Variants in GALNT10 observed in about 807,000 individuals in gnomAD.
The protein encoded by GALNT10 is GalNAc transferase 10.
GALNT10 carries 41 observed loss-of-function variants against 75.0 expected under a neutral mutation model. That is an observed-to-expected ratio of 0.55 (90% CI 0.43 to 0.71). The LOEUF is 0.71. Among genes scored for constraint, GALNT10 ranks in the 30% least tolerant of loss-of-function variants. The probability of loss-of-function intolerance (pLI) is 0.00; values close to 1 mark genes in which losing one functional copy is unlikely to be tolerated. For missense variants in GALNT10, 727 were observed against 818.5 expected (o/e 0.89, Z 1.36); for synonymous variants, 302 against 313.0 (o/e 0.96, Z 0.37).
At chr5:154,335,439 G>T (rs1754929935) in intron 4 of GALNT10, among the ~76,000 whole-genome samples, 1 of 152,130 alleles carries the variant, frequency 6.6e-6, no homozygotes, top group Admixed American at 6.6e-5. Context: ...GAAAATTCCA[G>T]CGAAATTTAA....
Position 154,409,754 on chromosome 5 carries a change from TG to T in GALNT10, c.1384del (p.Glu462ArgfsTer22). On this transcript the variant is annotated frameshift_variant, in exon 9 of 12. Coordinates refer to ENST00000297107, the MANE Select transcript of GALNT10 (RefSeq NM_198321.4). LOFTEE classifies it high-confidence loss of function. The surrounding 1 kb of genome is among the most constrained non-coding windows in gnomAD (Gnocchi z 4.5). ...ACCCGTGGAGCCCCCGGCTGCAGCT[TG>T]GGGGGAGGTGAGTCTGGAGGGCAGG... ...YPPVEPPAAA[W>X]GEIRNVGTGL... 3 of 1,609,228 alleles carry T rather than the reference TG, an allele frequency of 1.9e-6. No individual in the cohort carries two copies. The highest frequency in any genetic ancestry group is 2.6e-6 in the Non-Finnish European group (3 of 1,175,750).
At chr5:154,380,683 C>G in intron 6 of GALNT10, 52 bp downstream of exon 6, 1 of 1,237,394 alleles carries the variant, frequency 8.1e-7, no homozygotes, top group African/African-American at 1.5e-5. Flanking sequence ...TGACCACTCC[C>G]AACACGCACA....
chr5:154,380,638 A>G lies in GALNT10; in HGVS notation c.938+7A>G, dbSNP rs778085616. The stretch of plus-strand genomic sequence containing the variant: ...ACCCCAGCGACCCATTTGAGTAAGT[A>G]TGAACAACCCTGGCTGGTCCCAGTG... On this transcript the variant is annotated splice_region_variant and intron_variant, in intron 6 of 11. Transcript: ENST00000297107. 11 of 1,605,044 alleles carry G rather than the reference A, an allele frequency of 6.9e-6. No individual in the cohort carries two copies. The highest frequency in any genetic ancestry group is 9.4e-6 in the Non-Finnish European group (11 of 1,172,970).
chr5:154,254,130 A>C (rs765566247), intron 1 of GALNT10, among the ~76,000 whole-genome samples: 1 of 152,064 alleles, frequency 6.6e-6, no homozygotes, highest in Non-Finnish European at 1.5e-5. Context: ...ATTTCCTCCC[A>C]CACAGGTGCT....
chr5:154,302,113 G>A (rs1432030826), intron 3 of GALNT10, among the ~76,000 whole-genome samples: 2 of 152,226 alleles, frequency 1.3e-5, no homozygotes, highest in African/African-American at 4.8e-5. Flanking sequence ...GAGTAAATTA[G>A]AGCAGTCGAG....
intron 1 of GALNT10, among the ~76,000 whole-genome samples, chr5:154,215,677 T>C (rs1025321034): frequency 1.3e-5 from 2 of 152,196 alleles, no homozygotes; most frequent in Non-Finnish European, 2.9e-5. Flanking sequence ...AATACTGTCA[T>C]GGTTAAAAAT....
chr5:154,317,466 G>A (rs974214523), intron 3 of GALNT10, among the ~76,000 whole-genome samples: 2 of 152,178 alleles, frequency 1.3e-5, no homozygotes, highest in Non-Finnish European at 2.9e-5. Flanking sequence ...ATTAGGAGCT[G>A]TTTGGTCACA....
chr5:154,200,825 A>C (rs1476308388), intron 1 of GALNT10, among the ~76,000 whole-genome samples: 1 of 152,218 alleles, frequency 6.6e-6, no homozygotes, highest in African/African-American at 2.4e-5. Context: ...CCTGTGGGCC[A>C]GATGCAGCCC....
chr5:154,417,444 G>C lies in GALNT10; in HGVS notation c.*472G>C, dbSNP rs1347021106. 6.4e-6 allele frequency: 1 copy of C among 157,470 alleles called. No homozygotes were observed. The highest frequency in any genetic ancestry group is 1.4e-5 in the Non-Finnish European group (1 of 71,142). 9.8% of individuals were successfully genotyped at this position (157,470 alleles called of 1,614,324 possible). A position where few individuals can be genotyped will look rare whatever the true frequency, so the allele number is the denominator to read the frequency against. The stretch of plus-strand genomic sequence containing the variant: ...GATGCCACTCATCTGCAGCAGAAGA[G>C]AAAGAAGTCCTCTTGGGGCTTTTTA... On this transcript the variant is annotated 3_prime_UTR_variant, in exon 12 of 12. Transcript: ENST00000297107.
intron 5 of GALNT10, among the ~76,000 whole-genome samples, 175 bp from the exon 6 acceptor site, chr5:154,380,273 G>A (rs1755713206): frequency 6.6e-6 from 1 of 152,156 alleles, no homozygotes; most frequent in African/African-American, 2.4e-5. Flanking sequence ...TAAAAGGACT[G>A]AGATGAGAGC....
At chr5:154,205,014 C>T (rs920502204) in intron 1 of GALNT10, among the ~76,000 whole-genome samples, 4 of 152,342 alleles carry the variant, frequency 2.6e-5, no homozygotes, top group African/African-American at 4.8e-5. Flanking sequence ...AGATACCCTA[C>T]AGATAGGACT....
chr5:154,198,815 A>G (rs920048888), intron 1 of GALNT10, among the ~76,000 whole-genome samples: 3 of 152,120 alleles, frequency 2.0e-5, no homozygotes, highest in Non-Finnish European at 4.4e-5. Context: ...TCATCTGCCT[A>G]CTTAGATCAG....
chr5:154,348,543 C>A (rs182686650), intron 4 of GALNT10, among the ~76,000 whole-genome samples: 1 of 152,078 alleles, frequency 6.6e-6, no homozygotes, highest in Non-Finnish European at 1.5e-5. Flanking sequence ...CCATAAATAC[C>A]TCATCAATTC....
chr5:154,282,416 A>G (rs991964230), intron 1 of GALNT10, among the ~76,000 whole-genome samples: 1 of 152,220 alleles, frequency 6.6e-6, no homozygotes, highest in African/African-American at 2.4e-5. Context: ...AGCCACATCT[A>G]GCTACAAGGA....
At chr5:154,336,351 A>G (rs954586307) in intron 4 of GALNT10, among the ~76,000 whole-genome samples, 5 of 152,238 alleles carry the variant, frequency 3.3e-5, no homozygotes, top group African/African-American at 1.2e-4. Context: ...GTAAATGCCA[A>G]GGAGTGTGAT....
chr5:154,295,415 G>T (rs1410146071), intron 2 of GALNT10, among the ~76,000 whole-genome samples: 1 of 145,844 alleles, frequency 6.9e-6, no homozygotes, highest in African/African-American at 2.6e-5. Context: ...GCTAAGAGGG[G>T]TGGTAATCTG....
At chr5:154,320,682 T>C (rs903821774) in intron 3 of GALNT10, among the ~76,000 whole-genome samples, 10 of 152,126 alleles carry the variant, frequency 6.6e-5, no homozygotes, top group East Asian at 1.9e-4. Flanking sequence ...TCCCAGAGAA[T>C]GCTGGATGAA....
At chr5:154,313,445 A>T (rs1487089381) in intron 3 of GALNT10, among the ~76,000 whole-genome samples, 4 of 152,302 alleles carry the variant, frequency 2.6e-5, no homozygotes, top group Admixed American at 2.6e-4. Context: ...TTGTACCTGA[A>T]ATCTCTGGTC....
intron 1 of GALNT10, among the ~76,000 whole-genome samples, chr5:154,211,665 A>C (rs4958714): frequency 6.6e-6 from 1 of 152,186 alleles, no homozygotes; most frequent in Non-Finnish European, 1.5e-5. Context: ...AGTGTCTCTC[A>C]TGAGGTCGCT....
Sources: allele counts gnomAD v4.1 joint callset (sites outside exome capture counted in the v4.1 genomes callset), GRCh38; gene constraint gnomAD v4.1.1; non-coding constraint Gnocchi (gnomAD v3.1); transcripts MANE v1.5; gene names NCBI Gene and HGNC (gene_info 2026-07-23, HGNC 2026-07-21).